XPC: variants seen among roughly 807,000 people sequenced by gnomAD.
XPC encodes the protein DNA repair protein complementing XP-C cells.
XPC carries 76 observed loss-of-function variants against 95.8 expected under a neutral mutation model. The ratio of observed to expected loss-of-function variants is 0.79; its 90% CI spans 0.66 to 0.96. XPC has a LOEUF of 0.96. Ranked by LOEUF, XPC falls within the 40% of genes least tolerant of loss-of-function variation. The pLI, the probability that XPC is intolerant of heterozygous loss-of-function variation, is 0.00. For missense variants in XPC, 1,146 were observed against 1,179.8 expected (o/e 0.97, Z 0.42); for synonymous variants, 442 against 442.1 (o/e 1.00, Z 0.00).
intron 11 of XPC, among the ~76,000 whole-genome samples, chr3:14,149,191 C>T (rs987564291): frequency 1.3e-5 from 2 of 151,984 alleles, no homozygotes; most frequent in Non-Finnish European, 1.5e-5. Context: ...TTAAGCAATT[C>T]TCCTGCCTCA....
chr3:14,170,716 TC>T (rs1323134554), intron 2 of XPC, 166 bp from the exon 3 acceptor site: 11 of 514,346 alleles, frequency 2.1e-5, no homozygotes, highest in African/African-American at 3.9e-5. Flanking sequence ...CAACATGTGT[TC>T]CAAATCTCAT....
chr3:14,164,714 A>G (rs1404456252), intron 7 of XPC, 99 bp downstream of exon 7: 8 of 1,235,922 alleles, frequency 6.5e-6, no homozygotes, highest in Non-Finnish European at 8.0e-6. Flanking sequence ...TGAATAAGGT[A>G]GTGTCGGTAA....
Position 14,145,331 on chromosome 3 carries a change from G to T in XPC, c.*610C>A. The T allele has an allele frequency of 1.4e-6, 1 of 694,640 alleles. No homozygotes were observed. Among genetic ancestry groups the T allele is most frequent in the East Asian group, 2.7e-5 (1 of 37,194 alleles). The allele number at this position is 694,640 out of a possible 1,614,324, so 43.0% of individuals were successfully genotyped here. A position where few individuals can be genotyped will look rare whatever the true frequency, so the allele number is the denominator to read the frequency against. ...TCTTTCCTGATTTTAGCTTTTTTTA[G>T]GCTTCTGTCACCACAAAATGTTACT... On this transcript the variant is annotated 3_prime_UTR_variant, in exon 16 of 16. Transcript: ENST00000285021.
chr3:14,159,381 A>C (rs556738161), intron 8 of XPC, among the ~76,000 whole-genome samples: 1 of 152,282 alleles, frequency 6.6e-6, no homozygotes, highest in African/African-American at 2.4e-5. Flanking sequence ...CAATACCCCA[A>C]TGAGTACAGC....
chr3:14,167,275 C>T (rs1696422164), intron 4 of XPC, 22 bp from the exon 5 acceptor site: 1 of 1,600,918 alleles, frequency 6.2e-7, no homozygotes. Flanking sequence ...AGTGAAAAAT[C>T]TGGGAATGAA....
chr3:14,172,838 C>A, intron 2 of XPC, 29 bp downstream of exon 2: 5 of 1,597,440 alleles, frequency 3.1e-6, no homozygotes, highest in Non-Finnish European at 4.3e-6. Context: ...AAAATCAAGA[C>A]CCGAGACAAA....
intron 11 of XPC, among the ~76,000 whole-genome samples, chr3:14,151,025 G>C (rs1695667655): frequency 6.6e-6 from 1 of 152,152 alleles, no homozygotes; most frequent in Non-Finnish European, 1.5e-5. Context: ...TTCAGGCTGG[G>C]AAGGAGGCTG....
chr3:14,175,476 A>T (rs1447282517), intron 1 of XPC, among the ~76,000 whole-genome samples: 1 of 151,472 alleles, frequency 6.6e-6, no homozygotes, highest in Non-Finnish European at 1.5e-5. Flanking sequence ...TGCTCTAAGT[A>T]CCCCTCCCCC....
chr3:14,176,951 T>C (rs1696842424), intron 1 of XPC, among the ~76,000 whole-genome samples: 1 of 152,092 alleles, frequency 6.6e-6, no homozygotes, highest in African/African-American at 2.4e-5. Flanking sequence ...AATACAAAAA[T>C]TAGCCGGACA....
rs78422739 is a variant in XPC at position 14,176,695 on chromosome 3, G to A, written c.103+1771C>T. ...CTAATGGATGATGAATTTATAACCG[G>A]TATAGAAACAGAATCTAGTGTGATA... On this transcript the variant is annotated intron_variant, in intron 1 of 15. Transcript: ENST00000285021. Among the ~76,000 whole-genome samples the A allele has an allele frequency of 7.7e-3, 1,177 of 152,242 alleles. 12 individuals are homozygous for A. Among genetic ancestry groups the A allele is most frequent in the African/African-American group, 0.027 (1,113 of 41,542 alleles).
Position 14,145,221 on chromosome 3 carries a change from TTTTATC to T in XPC, c.*714_*719del, listed in dbSNP as rs772638553. 2 of 620,842 alleles carry T rather than the reference TTTTATC, an allele frequency of 3.2e-6. No homozygotes were observed. Among genetic ancestry groups the T allele is most frequent in the South Asian group, 1.9e-5 (1 of 53,122 alleles). The allele number at this position is 620,842 out of a possible 1,614,324, so 38.5% of individuals were successfully genotyped here. ...TCCTTAGTACAGAGAGCTTTATACA[TTTTATC>T]TAGTAATGAATACAATCTAGTTTAA... On this transcript the variant is annotated 3_prime_UTR_variant, in exon 16 of 16. Transcript: ENST00000285021.
At chr3:14,154,868 A>T (rs1401787136) in intron 10 of XPC, among the ~76,000 whole-genome samples, 4 of 23,014 alleles carry the variant, frequency 1.7e-4, no homozygotes, top group Admixed American at 1.0e-3. Context: ...AAATTATTAT[A>T]AAAAATTTAT....
chr3:14,154,095 T>C (rs191555489), intron 10 of XPC, among the ~76,000 whole-genome samples: 5 of 152,226 alleles, frequency 3.3e-5, no homozygotes, highest in Non-Finnish European at 5.9e-5. Flanking sequence ...CTTCTAACCA[T>C]TTCACACCCG....
rs1351431459 is a variant in XPC at position 14,178,576 on chromosome 3, G to A, written c.-8C>T. ...CGCGCGTTTCCGAGCCATGTTGCTTGTCTGGGCAAATTCCACTTCGCGAGT... is the reference window on the plus strand; with the variant it reads ...CGCGCGTTTCCGAGCCATGTTGCTTATCTGGGCAAATTCCACTTCGCGAGT... On this transcript the variant is annotated 5_prime_UTR_variant, in exon 1 of 16. Transcript: ENST00000285021. 1.2e-6 allele frequency: 2 copies of A among 1,612,586 alleles called. No homozygotes were observed. The highest frequency in any genetic ancestry group is 1.6e-4 in the Middle Eastern group (1 of 6,062).
intron 7 of XPC, among the ~76,000 whole-genome samples, chr3:14,161,902 T>A (rs1441218569): frequency 2.0e-5 from 3 of 151,428 alleles, no homozygotes; most frequent in Non-Finnish European, 2.9e-5. Flanking sequence ...ACATAGAAAA[T>A]TTCAAAGAAT....
chr3:14,170,400 G>T, intron 3 of XPC, 38 bp downstream of exon 3: 2 of 1,592,406 alleles, frequency 1.3e-6, no homozygotes, highest in South Asian at 1.1e-5. Context: ...AAAACAAACA[G>T]AACCAAACAG....
intron 7 of XPC, among the ~76,000 whole-genome samples, chr3:14,161,700 A>T (rs907047256): frequency 1.3e-5 from 2 of 150,640 alleles, no homozygotes; most frequent in Admixed American, 6.7e-5. Context: ...ACCCAGATCT[A>T]GTATGATACT....
At chr3:14,159,040 T>A in intron 8 of XPC, 148 bp from the exon 9 acceptor site, 2 of 1,056,888 alleles carry the variant, frequency 1.9e-6, no homozygotes, top group Non-Finnish European at 2.7e-6. Flanking sequence ...ATCAACCAGC[T>A]ATCCTTCAGG....
intron 10 of XPC, among the ~76,000 whole-genome samples, chr3:14,153,840 C>T (rs1574956173): frequency 1.3e-5 from 2 of 152,350 alleles, no homozygotes; most frequent in Middle Eastern, 6.8e-3. Flanking sequence ...CCAGACGTTT[C>T]CTGTGTGCCA....
Sources: allele counts gnomAD v4.1 joint callset (sites outside exome capture counted in the v4.1 genomes callset), GRCh38; gene constraint gnomAD v4.1.1; transcripts MANE v1.5; gene names NCBI Gene and HGNC (gene_info 2026-07-23, HGNC 2026-07-21).